The following PKN2 variants were observed in gnomAD, a reference collection of about 807,000 sequenced individuals.
PKN2 encodes serine/threonine-protein kinase N2.
A neutral mutation model predicts 119.1 loss-of-function variants in PKN2; 38 were observed. The observed-to-expected ratio is 0.32, with a 90% confidence interval of 0.25 to 0.42. The LOEUF (loss-of-function observed/expected upper bound fraction) is 0.42, where lower values mean the gene tolerates loss of function less well. Ranked by LOEUF, PKN2 falls within the 10% of genes least tolerant of loss-of-function variation. The pLI, the probability that PKN2 is intolerant of heterozygous loss-of-function variation, is 1.00. For synonymous variants in PKN2, 390 were observed against 384.9 expected (o/e 1.01, Z -0.15); for missense variants, 850 against 1,165.1 (o/e 0.73, Z 3.94).
chr1:88,709,686 A>G (rs1419077748), intron 1 of PKN2, among the ~76,000 whole-genome samples: 1 of 152,216 alleles, frequency 6.6e-6, no homozygotes, highest in Non-Finnish European at 1.5e-5. Flanking sequence ...ACTTGGCTAG[A>G]TGTAAACATA....
At chr1:88,758,106 G>T (rs1300524812) in intron 2 of PKN2, among the ~76,000 whole-genome samples, 1 of 149,814 alleles carries the variant, frequency 6.7e-6, no homozygotes, top group African/African-American at 2.5e-5. Context: ...TAACTAGATG[G>T]TTCTTTCTGA....
At chr1:88,813,816 A>AT (rs796130276) in intron 16 of PKN2, 83 bp downstream of exon 16, 72 of 1,185,190 alleles carry the variant, frequency 6.1e-5, no homozygotes, top group South Asian at 2.4e-4. Context: ...TGAATTTTAG[A>AT]TTTTTTTTCC....
chr1:88,785,234 T>C (rs1448815977), intron 7 of PKN2, among the ~76,000 whole-genome samples: 1 of 152,168 alleles, frequency 6.6e-6, no homozygotes, highest in Admixed American at 6.5e-5. Context: ...GTTTAAGTGA[T>C]CCTCCTACCT....
At chr1:88,721,510 A>G (rs1310477986) in intron 1 of PKN2, among the ~76,000 whole-genome samples, 1 of 152,058 alleles carries the variant, frequency 6.6e-6, no homozygotes, top group Non-Finnish European at 1.5e-5. Context: ...GGGATGGGAG[A>G]AGGTTCAGAA....
At chr1:88,813,784 C>T in intron 16 of PKN2, 51 bp downstream of exon 16, 1 of 1,393,578 alleles carries the variant, frequency 7.2e-7, no homozygotes, top group South Asian at 1.4e-5. Flanking sequence ...TGATTTCATT[C>T]TGGGAAGGAA....
At chr1:88,685,901 G>A (rs1666075140) in intron 1 of PKN2, among the ~76,000 whole-genome samples, 1 of 152,092 alleles carries the variant, frequency 6.6e-6, no homozygotes, top group African/African-American at 2.4e-5. Context: ...GCAGTCAGAC[G>A]TAAGCTTGAA....
At chr1:88,723,135 A>G (rs1667750638) in intron 1 of PKN2, among the ~76,000 whole-genome samples, 1 of 151,538 alleles carries the variant, frequency 6.6e-6, no homozygotes, top group Non-Finnish European at 1.5e-5. Context: ...TTCTTTTGAG[A>G]CAGAGTCTGG....
chr1:88,808,489 A>ATTTTT (rs1164554251), intron 15 of PKN2, among the ~76,000 whole-genome samples: 2 of 151,850 alleles, frequency 1.3e-5, no homozygotes, highest in African/African-American at 4.8e-5. Context: ...TATTTTTAGT[A>ATTTTT]GAAATGGGGT....
intron 3 of PKN2, among the ~76,000 whole-genome samples, chr1:88,761,853 C>T (rs886438811): frequency 6.6e-6 from 1 of 151,876 alleles, no homozygotes; most frequent in African/African-American, 2.4e-5. Context: ...ATTTTTTGTG[C>T]TGTTATTTTT....
intron 1 of PKN2, among the ~76,000 whole-genome samples, chr1:88,692,922 A>G (rs1165646844): frequency 6.6e-6 from 1 of 152,192 alleles, no homozygotes; most frequent in South Asian, 2.1e-4. Flanking sequence ...TACATTTGGT[A>G]TAGAAAGGGT....
At chr1:88,794,077 C>T (rs1020516965) in intron 8 of PKN2, among the ~76,000 whole-genome samples, 9 of 152,044 alleles carry the variant, frequency 5.9e-5, no homozygotes, top group Non-Finnish European at 8.8e-5. Context: ...ATCTTAAATT[C>T]GATATACCTG....
chr1:88,797,890 A>G (rs1348518312), intron 8 of PKN2, among the ~76,000 whole-genome samples: 4 of 152,150 alleles, frequency 2.6e-5, no homozygotes, highest in Non-Finnish European at 4.4e-5. Flanking sequence ...GCACTTTGGG[A>G]GGCTGACATG....
intron 2 of PKN2, among the ~76,000 whole-genome samples, chr1:88,753,061 C>T (rs1177639634): frequency 6.6e-6 from 1 of 152,122 alleles, no homozygotes; most frequent in Non-Finnish European, 1.5e-5. Flanking sequence ...GCATACTTAT[C>T]AAAGGCAGTA....
At chr1:88,794,327 A>G (rs547074947) in intron 8 of PKN2, among the ~76,000 whole-genome samples, 30 of 150,960 alleles carry the variant, frequency 2.0e-4, no homozygotes, top group South Asian at 1.9e-3. Context: ...AGATCATGCC[A>G]TTGCACTCCA....
At chr1:88,740,914 C>G in intron 1 of PKN2, 74 bp from the exon 2 acceptor site, 1 of 918,522 alleles carries the variant, frequency 1.1e-6, no homozygotes, top group Admixed American at 2.6e-5. Flanking sequence ...CTCTCTTAGG[C>G]TGAAAACACT....
At chr1:88,699,220 A>G (rs1666667225) in intron 1 of PKN2, among the ~76,000 whole-genome samples, 1 of 151,474 alleles carries the variant, frequency 6.6e-6, no homozygotes. Context: ...CGTATTTCCT[A>G]TTTCTTTAAA....
At chr1:88,693,603 T>C (rs890506172) in intron 1 of PKN2, among the ~76,000 whole-genome samples, 6 of 152,120 alleles carry the variant, frequency 3.9e-5, no homozygotes, top group African/African-American at 1.4e-4. Flanking sequence ...TCCCAGCTAC[T>C]TTGGAGGTGG....
rs767272837 is a variant in PKN2, at chr1:88,765,444, C to T, written c.505-4908C>T. ...GACTGTCCATCCAGGTCCCTCCAAC[C>T]GCCAATCCTCCAGTATTGCCTGTTT... On this transcript the variant is annotated intron_variant, in intron 3 of 21. Transcript: ENST00000370521. Among the ~76,000 whole-genome samples, 19 of 152,262 alleles carry T rather than the reference C, an allele frequency of 1.2e-4. No homozygotes were observed. In the South Asian group the frequency reaches 2.1e-3, roughly 17 times the overall value.
chr1:88,808,613 T>C (rs1671657344), intron 15 of PKN2, among the ~76,000 whole-genome samples: 1 of 152,194 alleles, frequency 6.6e-6, no homozygotes, highest in Non-Finnish European at 1.5e-5. Context: ...CCCACAATTA[T>C]TAAAATGCAA....
Sources: gnomAD v4.1 joint callset for allele counts (sites outside exome capture counted in the v4.1 genomes callset) on GRCh38, gnomAD v4.1.1 for gene constraint, MANE v1.5 for transcripts, NCBI Gene and HGNC (gene_info 2026-07-23, HGNC 2026-07-21) for gene names.